Variants in PLEKHJ1 observed in about 807,000 individuals in gnomAD.
The protein encoded by PLEKHJ1 is pleckstrin homology domain-containing family J member 1.
PLEKHJ1 carries 20 observed loss-of-function variants against 21.7 expected under a neutral mutation model. That is an observed-to-expected ratio of 0.92 (90% CI 0.65 to 1.34). The LOEUF is 1.34. Among genes scored for constraint, PLEKHJ1 ranks in the 40% most tolerant of loss-of-function variants. The pLI is 0.00. For missense variants in PLEKHJ1, 241 were observed against 202.0 expected (o/e 1.19, Z -1.17); for synonymous variants, 113 against 80.6 (o/e 1.40, Z -2.15).
In PLEKHJ1 at chr19:2,234,219, C is replaced by T. The variant is rs2024713042; in HGVS notation, c.251G>A (p.Arg84Lys). Reference protein sequence around the residue: ...FSISFIEDPERKYHFECSSEE... With the variant: ...FSISFIEDPEKKYHFECSSEE... ...GCTGCTGCACTCAAAGTGATACTTC[C>T]TCTCAGGGTCCTCAATGAAGCCTGG... Residue 84 changes from arginine (R) to lysine (K), a missense_variant, in exon 4 of 6, where the codon AGG becomes AAG. Physicochemically the swap from Arg to Lys is conservative, Grantham distance 26 (BLOSUM62 2). Coordinates refer to ENST00000326631, the MANE Select transcript of PLEKHJ1 (RefSeq NM_018049.3). 5 of 1,613,030 alleles carry T rather than the reference C, an allele frequency of 3.1e-6. No homozygotes were observed. The highest frequency in any genetic ancestry group is 3.4e-6 in the Non-Finnish European group (4 of 1,179,884).
At chr19:2,232,551 T>C (rs1412770356), downstream of PLEKHJ1, 2 of 210,900 alleles carry the variant, frequency 9.5e-6, no homozygotes, top group Admixed American at 5.9e-5. Flanking sequence ...CTCTAGACGC[T>C]GTAATAAACA....
intron 3 of PLEKHJ1, chr19:2,234,792 G>C (rs569859085): frequency 6.5e-6 from 1 of 153,160 alleles, no homozygotes; most frequent in South Asian, 2.0e-4. Context: ...CTGAGGTCAG[G>C]AGTTCGAGAG....
At chr19:2,236,027 C>T (rs1157262266) in intron 1 of PLEKHJ1, 37 bp from the exon 2 acceptor site, 1 of 1,561,014 alleles carries the variant, frequency 6.4e-7, no homozygotes, top group Non-Finnish European at 8.6e-7. Context: ...CGCAGGCAGC[C>T]CCCGCCCGGA....
Position 2,233,261 on chromosome 19 carries a change from C to G in PLEKHJ1, c.*579G>C, listed in dbSNP as rs1175749663. 6.5e-6 allele frequency: 1 copy of G among 153,658 alleles called. No individual in the cohort carries two copies. The highest frequency in any genetic ancestry group is 1.5e-5 in the Non-Finnish European group (1 of 68,864). The allele number at this position is 153,658 out of a possible 1,614,324, so 9.5% of individuals were successfully genotyped here. A position where few individuals can be genotyped will look rare whatever the true frequency, so the allele number is the denominator to read the frequency against. ...CTCCTGTCTGCAGGAGAATTCACAG[C>G]TGGTGTGGGACTCAGCCCCTAGGCC... On this transcript the variant is annotated 3_prime_UTR_variant, in exon 6 of 6. Coordinates refer to ENST00000326631, the MANE Select transcript of PLEKHJ1 (RefSeq NM_018049.3).
chr19:2,231,961 G>C (rs972567113), downstream of PLEKHJ1: 6 of 212,128 alleles, frequency 2.8e-5, no homozygotes, highest in African/African-American at 6.8e-5. Context: ...CACCACACGT[G>C]AACTAGTGTG....
downstream of PLEKHJ1, chr19:2,230,139 G>C (rs1308833479): frequency 1.9e-6 from 1 of 512,906 alleles, no homozygotes. Flanking sequence ...CCCGCCAGCG[G>C]ATTCGCCACA....
At chr19:2,235,887 G>C (rs200073129) in intron 2 of PLEKHJ1, 36 bp downstream of exon 2, 9 of 1,599,164 alleles carry the variant, frequency 5.6e-6, no homozygotes, top group Non-Finnish European at 6.8e-6. Context: ...GAGGGGCCCA[G>C]CCTGGGACCC....
chr19:2,235,743 C>T lies in PLEKHJ1; in HGVS notation c.229+19G>A. 5 of 1,543,570 alleles carry T rather than the reference C, an allele frequency of 3.2e-6. No individual in the cohort carries two copies. Among genetic ancestry groups the T allele is most frequent in the Non-Finnish European group, 4.4e-6 (5 of 1,143,398 alleles). On this transcript the variant is annotated intron_variant, in intron 3 of 5. Coordinates refer to ENST00000326631, the MANE Select transcript of PLEKHJ1 (RefSeq NM_018049.3). ...CCCGGGCTGCGGGAAGCGCCGCTGG[C>T]TTCCCTAGCCCCACTCACTGATGGA...
chr19:2,230,594 C>G, downstream of PLEKHJ1: 1 of 398,572 alleles, frequency 2.5e-6, no homozygotes, highest in Non-Finnish European at 4.4e-6. Context: ...GCAGGCCTGT[C>G]GTGGGTCCCT....
chr19:2,235,117 G>C (rs957441218), intron 3 of PLEKHJ1: 4 of 152,292 alleles, frequency 2.6e-5, no homozygotes. Flanking sequence ...GATGCAAGGA[G>C]GACAAGGTGA....
chr19:2,235,619 G>A, intron 3 of PLEKHJ1, 143 bp downstream of exon 3: 1 of 689,800 alleles, frequency 1.4e-6, no homozygotes, highest in South Asian at 1.9e-5. Flanking sequence ...AGCTGCCCGT[G>A]GACAATGCAC....
Position 2,235,945 on chromosome 19 carries a change from T to C in PLEKHJ1, c.140A>G (p.Tyr47Cys). ...TACCTCGGCCTCGTCTGTCCGAAAG[T>C]AGAAGAGGAAATTCACCACCAGCTT... ...LVKLVVNFLF[Y>C]FRTDEAEPVG... Residue 47 changes from tyrosine (Y) to cysteine (C), a missense_variant, in exon 2 of 6, where the codon TAC (tyrosine) becomes TGC (cysteine). Tyr to Cys is a radical substitution (Grantham distance 194). Coordinates refer to ENST00000326631, the MANE Select transcript of PLEKHJ1 (RefSeq NM_018049.3). 6.2e-7 allele frequency: 1 copy of C among 1,610,332 alleles called. No individual in the cohort carries two copies. Among genetic ancestry groups the C allele is most frequent in the Non-Finnish European group, 8.5e-7 (1 of 1,179,038 alleles).
At chr19:2,232,221 A>C (rs740405), downstream of PLEKHJ1, 29,768 of 219,952 alleles carry the variant, frequency 0.14, 3,202 homozygotes, top group African/African-American at 0.31. Flanking sequence ...GGAACCCTAA[A>C]AACTAGGATA....
At chr19:2,230,736 G>A (rs1356603406), downstream of PLEKHJ1, 1 of 397,652 alleles carries the variant, frequency 2.5e-6, no homozygotes, top group East Asian at 3.6e-5. Context: ...GAAGAGGAAA[G>A]AAAAGCGAGG....
downstream of PLEKHJ1, chr19:2,231,301 TC>T (rs1293979174): frequency 9.1e-6 from 2 of 219,964 alleles, no homozygotes; most frequent in African/African-American, 2.2e-5. Context: ...GTGCCACAGA[TC>T]CACCCTCCAG....
Position 2,233,814 on chromosome 19 carries a change from T to G in PLEKHJ1, c.*26A>C, listed in dbSNP as rs1319082434. On this transcript the variant is annotated 3_prime_UTR_variant, in exon 6 of 6. Transcript: ENST00000326631. The stretch of plus-strand genomic sequence containing the variant: ...CTGGGCAGGGCCAGTCCCGTCCCGC[T>G]GCACGCTGACCACCGTGCCCTGCGC... 1 of 1,579,212 alleles carries G rather than the reference T, an allele frequency of 6.3e-7. No homozygotes were observed. Among genetic ancestry groups the G allele is most frequent in the Admixed American group, 1.8e-5 (1 of 55,372 alleles).
At chr19:2,234,092 C>G (rs772427969) in intron 4 of PLEKHJ1, 31 bp from the exon 5 acceptor site, 1 of 1,613,244 alleles carries the variant, frequency 6.2e-7, no homozygotes, top group Non-Finnish European at 8.5e-7. Context: ...GGGTCAAATG[C>G]CCGCTCTGCA....
intron 3 of PLEKHJ1, 71 bp downstream of exon 3, chr19:2,235,691 G>A: frequency 7.2e-7 from 1 of 1,396,126 alleles, no homozygotes; most frequent in South Asian, 1.3e-5. Flanking sequence ...GGCGCCCGGG[G>A]AGGGGAAAGT....
In PLEKHJ1 at chr19:2,236,140, C is replaced by G; in HGVS notation, c.94+15G>C. 6.8e-7 allele frequency: 1 copy of G among 1,470,956 alleles called. No individual in the cohort carries two copies. Among genetic ancestry groups the G allele is most frequent in the Non-Finnish European group, 9.0e-7 (1 of 1,113,224 alleles). 91.1% of individuals were successfully genotyped at this position (1,470,956 alleles called of 1,614,324 possible). On this transcript the variant is annotated intron_variant, in intron 1 of 5. Coordinates refer to ENST00000326631, the MANE Select transcript of PLEKHJ1 (RefSeq NM_018049.3). ...CCGCCCCTGGCACTGTCTCGGTCTC[C>G]CGGGTCCCGCTCACCGCTGCCCTTC...
Sources: allele counts gnomAD v4.1 joint callset, GRCh38; gene constraint gnomAD v4.1.1; transcripts MANE v1.5; gene names NCBI Gene and HGNC (gene_info 2026-07-23, HGNC 2026-07-21).